Variants in LSAMP observed in about 807,000 individuals in gnomAD.
The protein encoded by LSAMP is limbic system associated membrane protein.
LSAMP carries 7 observed loss-of-function variants against 38.6 expected under a neutral mutation model. The observed-to-expected ratio is 0.18, with a 90% CI of 0.10 to 0.34. LSAMP has a LOEUF of 0.34. LSAMP is among the 10% of genes least tolerant of loss of function. The probability of loss-of-function intolerance (pLI) is 1.00; values close to 1 mark genes in which losing one functional copy is unlikely to be tolerated. For missense variants in LSAMP, 313 were observed against 420.0 expected (o/e 0.75, Z 2.23); for synonymous variants, 154 against 166.8 (o/e 0.92, Z 0.59).
At position 116,102,308 on chromosome 3, in the gene LSAMP, A is replaced by T. The variant is rs1459195233; in HGVS notation, c.156-15752T>A. Among the ~76,000 whole-genome samples, 3 of 152,224 alleles carry T rather than the reference A, an allele frequency of 2.0e-5. No homozygotes were observed. The East Asian group carries it at 5.8e-4, about 29-fold the overall frequency. On this transcript the variant is annotated intron_variant, in intron 1 of 6. Transcript: ENST00000490035. ...CCTATATTTATTTTCTTGGATTATT[A>T]TAAAACACAATCTCAGAATTCTGTA...
rs1194618709 is a variant in LSAMP at position 115,809,812 on chromosome 3, A to T, written c.*505T>A. ...GGAAAGCCAGAGAAAGGCTCAACATAAGATTCCATTGATAGTCTGAAGTGG... is the reference window on the plus strand; with the variant it reads ...GGAAAGCCAGAGAAAGGCTCAACATTAGATTCCATTGATAGTCTGAAGTGG... On this transcript the variant is annotated 3_prime_UTR_variant, in exon 7 of 7. Coordinates refer to ENST00000490035, the MANE Select transcript of LSAMP (RefSeq NM_002338.5). 1 of 153,270 alleles carries T rather than the reference A, an allele frequency of 6.5e-6. No individual in the cohort carries two copies. Among genetic ancestry groups the T allele is most frequent in the East Asian group, 1.9e-4 (1 of 5,228 alleles). 9.5% of individuals were successfully genotyped at this position (153,270 alleles called of 1,614,324 possible).
At chr3:116,334,392 G>A (rs918632371) in intron 1 of LSAMP, among the ~76,000 whole-genome samples, 4 of 151,964 alleles carry the variant, frequency 2.6e-5, no homozygotes, top group Admixed American at 2.0e-4. Flanking sequence ...CTCATTCTAC[G>A]AAGCCAGCAT....
At chr3:115,841,783 C>G in intron 6 of LSAMP, 62 bp downstream of exon 6, 1 of 1,530,682 alleles carries the variant, frequency 6.5e-7, no homozygotes, top group Non-Finnish European at 8.8e-7. Context: ...ATGGTTTTCA[C>G]GTTTTTCATG....
At chr3:115,849,222 C>T (rs1308741629) in intron 4 of LSAMP, among the ~76,000 whole-genome samples, 2 of 152,146 alleles carry the variant, frequency 1.3e-5, no homozygotes, top group Non-Finnish European at 1.5e-5. Context: ...ATTCCAGGAC[C>T]TCCTACCACT....
chr3:115,968,115 CA>C (rs1256656201), intron 3 of LSAMP, among the ~76,000 whole-genome samples: 1 of 152,076 alleles, frequency 6.6e-6, no homozygotes, highest in Non-Finnish European at 1.5e-5. Flanking sequence ...CAGCCCAAAG[CA>C]GGTCCAGAAA....
chr3:115,967,421 C>G (rs370863869), intron 3 of LSAMP, among the ~76,000 whole-genome samples: 5 of 152,166 alleles, frequency 3.3e-5, no homozygotes, highest in African/African-American at 1.2e-4. Context: ...TGACAAGTCT[C>G]TAGAGAGTTC....
chr3:115,999,240 A>G (rs1346766144), intron 3 of LSAMP, among the ~76,000 whole-genome samples: 4 of 152,190 alleles, frequency 2.6e-5, no homozygotes, highest in Admixed American at 1.3e-4. Flanking sequence ...AGGATTTGCA[A>G]CTTGAACAAT....
At chr3:116,018,816 A>T (rs1185196832) in intron 3 of LSAMP, among the ~76,000 whole-genome samples, 2 of 152,134 alleles carry the variant, frequency 1.3e-5, no homozygotes, top group African/African-American at 2.4e-5. Context: ...GATGTTGAAG[A>T]CATTCCTGGG....
chr3:116,283,478 C>T (rs977154765), intron 1 of LSAMP, among the ~76,000 whole-genome samples: 1 of 152,026 alleles, frequency 6.6e-6, no homozygotes, highest in Non-Finnish European at 1.5e-5. Context: ...GTTTACTTTT[C>T]AATAAAGTCT....
rs1040060136 is a variant in LSAMP, at chr3:116,139,032, C to T, written c.156-52476G>A. On this transcript the variant is annotated intron_variant, in intron 1 of 6. Coordinates refer to ENST00000490035, the MANE Select transcript of LSAMP (RefSeq NM_002338.5). ...ATATATAATATATAATGCATATGCA[C>T]ATTACATATGTATATAATGTGTATA... 2.0e-5 allele frequency among the ~76,000 whole-genome samples: 3 copies of T among 151,596 alleles called. No homozygotes were observed. The Admixed American group carries it at 2.0e-4, about 10-fold the overall frequency.
intron 1 of LSAMP, among the ~76,000 whole-genome samples, chr3:116,200,391 C>G (rs969972411): frequency 3.9e-5 from 6 of 152,152 alleles, no homozygotes; most frequent in African/African-American, 1.4e-4. Flanking sequence ...ATGTGCCATT[C>G]CCAATTAAGA....
At chr3:115,914,052 T>G (rs1254412310) in intron 3 of LSAMP, among the ~76,000 whole-genome samples, 1 of 152,110 alleles carries the variant, frequency 6.6e-6, no homozygotes, top group African/African-American at 2.4e-5. Context: ...TTAAGACCAG[T>G]AAGTTTCATA....
chr3:116,218,192 G>T (rs2046243159), intron 1 of LSAMP, among the ~76,000 whole-genome samples: 1 of 152,020 alleles, frequency 6.6e-6, no homozygotes, highest in African/African-American at 2.4e-5. Context: ...AGGCCCATTA[G>T]ATATTTGGAA....
intron 1 of LSAMP, among the ~76,000 whole-genome samples, chr3:116,305,084 A>T (rs1310252788): frequency 6.6e-6 from 1 of 152,164 alleles, no homozygotes; most frequent in Non-Finnish European, 1.5e-5. Flanking sequence ...GATCAAGAAC[A>T]GGCAGCCTTC....
intron 1 of LSAMP, among the ~76,000 whole-genome samples, chr3:116,372,427 A>T (rs2048441259): frequency 6.6e-6 from 1 of 151,952 alleles, no homozygotes; most frequent in Non-Finnish European, 1.5e-5. Context: ...GAAAGTGAAT[A>T]AGGGACCTAA....
intron 3 of LSAMP, among the ~76,000 whole-genome samples, chr3:115,926,144 C>T (rs1937494208): frequency 6.6e-6 from 1 of 152,170 alleles, no homozygotes; most frequent in Non-Finnish European, 1.5e-5. Context: ...GCACATGCTG[C>T]CTCCATGATC....
At chr3:116,384,669 G>A (rs567909864) in intron 1 of LSAMP, among the ~76,000 whole-genome samples, 5 of 152,042 alleles carry the variant, frequency 3.3e-5, no homozygotes, top group Admixed American at 6.6e-5. Flanking sequence ...ACATGCAAAC[G>A]TTCTAAAAAT....
chr3:116,075,684 G>A (rs1015881788), intron 2 of LSAMP, among the ~76,000 whole-genome samples: 23 of 151,658 alleles, frequency 1.5e-4, no homozygotes, highest in African/African-American at 5.6e-4. Context: ...GGGACTACAG[G>A]CCCACGCCAC....
intron 3 of LSAMP, among the ~76,000 whole-genome samples, chr3:115,982,375 A>T (rs1939387332): frequency 1.3e-5 from 2 of 152,212 alleles, no homozygotes; most frequent in Admixed American, 6.5e-5. Flanking sequence ...CTTCCAAATC[A>T]TCTGGATGCC....
Sources: allele counts gnomAD v4.1 joint callset (sites outside exome capture counted in the v4.1 genomes callset), GRCh38; gene constraint gnomAD v4.1.1; transcripts MANE v1.5; gene names NCBI Gene and HGNC (gene_info 2026-07-23, HGNC 2026-07-21).